Variants in KIF16B observed in about 807,000 individuals in gnomAD.
KIF16B encodes the protein kinesin family member 16B.
Under a neutral mutation model 156.3 loss-of-function variants are expected in KIF16B, and 98 were observed. The observed-to-expected ratio is 0.63, with a 90% CI of 0.53 to 0.74. KIF16B has a LOEUF of 0.74. Among genes scored for constraint, KIF16B ranks in the 30% least tolerant of loss-of-function variants. The probability of loss-of-function intolerance (pLI) is 0.00; values close to 1 mark genes in which losing one functional copy is unlikely to be tolerated. For synonymous variants in KIF16B, 564 were observed against 583.7 expected (o/e 0.97, Z 0.49); for missense variants, 1,421 against 1,606.5 (o/e 0.88, Z 1.97).
chr20:16,323,375 G>A (rs1232408400), intron 24 of KIF16B, among the ~76,000 whole-genome samples: 1 of 151,930 alleles, frequency 6.6e-6, no homozygotes, highest in Non-Finnish European at 1.5e-5. Flanking sequence ...TCTAGCTTTT[G>A]AGAAATGCAA....
At chr20:16,283,454 C>T (rs2063177146) in intron 25 of KIF16B, among the ~76,000 whole-genome samples, 1 of 152,158 alleles carries the variant, frequency 6.6e-6, no homozygotes. Context: ...GCCAACAAGT[C>T]CCCAGTGTGT....
rs2067342060 is a variant in KIF16B at position 16,461,422 on chromosome 20, T to C, written c.1303-31440A>G. ...GAAAAAAGCAAAATGTCAACTCTAC[T>C]TAAAATAAACAGGCCCATTTTGTCT... On this transcript the variant is annotated intron_variant, in intron 12 of 25. Transcript: ENST00000354981. Among the ~76,000 whole-genome samples the C allele has an allele frequency of 2.0e-5, 3 of 152,258 alleles. No individual in the cohort carries two copies. The South Asian group carries it at 6.2e-4, about 32-fold the overall frequency.
chr20:16,401,686 G>A (rs1388649653), intron 17 of KIF16B, among the ~76,000 whole-genome samples: 1 of 152,134 alleles, frequency 6.6e-6, no homozygotes, highest in Non-Finnish European at 1.5e-5. Context: ...GCCCAGGCCT[G>A]TCCTCCCTGT....
Position 16,537,977 on chromosome 20 carries a change from T to C in KIF16B, c.48-9537A>G, listed in dbSNP as rs566949083. ...CCTTGGCCTCCCAAAGTGTTAGGGT[T>C]ACAGGCATGAGCCACCATGCCCAGC... On this transcript the variant is annotated intron_variant, in intron 1 of 25. Transcript: ENST00000354981. Among the ~76,000 whole-genome samples, 4 of 152,148 alleles carry C rather than the reference T, an allele frequency of 2.6e-5. No homozygotes were observed. In the South Asian group the frequency reaches 8.3e-4, roughly 32 times the overall value.
chr20:16,305,709 C>T (rs1238324717), intron 25 of KIF16B, among the ~76,000 whole-genome samples: 1 of 152,174 alleles, frequency 6.6e-6, no homozygotes, highest in Non-Finnish European at 1.5e-5. Context: ...CTGGTAACCA[C>T]CATTCTACTC....
rs74175693 is a variant in KIF16B, at chr20:16,431,913, T to TACACACACACACACACACACACAC, written c.1303-1955_1303-1932dup. 1.0e-3 allele frequency among the ~76,000 whole-genome samples: 148 copies of TACACACACACACACACACACACAC among 143,820 alleles called. 1 individual carries two copies. Among genetic ancestry groups the TACACACACACACACACACACACAC allele is most frequent in the African/African-American group, 3.7e-3 (140 of 38,152 alleles). The allele number at this position is 143,820 out of a possible 152,430, so 94.4% of individuals were successfully genotyped here. A position where few individuals can be genotyped will look rare whatever the true frequency, so the allele number is the denominator to read the frequency against. ...TACTATCCATTTATATGTATACGTA[T>TACACACACACACACACACACACAC]ACACACACACACACACACACACACA... On this transcript the variant is annotated intron_variant, in intron 12 of 25. Transcript: ENST00000354981.
At chr20:16,480,264 CAG>C (rs2067942389) in intron 12 of KIF16B, among the ~76,000 whole-genome samples, 1 of 152,128 alleles carries the variant, frequency 6.6e-6, no homozygotes, top group Admixed American at 6.5e-5. Flanking sequence ...CCTTTCATAA[CAG>C]AGAAACACAG....
intron 25 of KIF16B, among the ~76,000 whole-genome samples, chr20:16,300,109 C>A (rs2063450404): frequency 6.6e-6 from 1 of 152,146 alleles, no homozygotes; most frequent in African/African-American, 2.4e-5. Flanking sequence ...GACATATTTC[C>A]TTCTTGGCTT....
At chr20:16,423,916 A>C (rs976182280) in intron 15 of KIF16B, among the ~76,000 whole-genome samples, 1 of 152,038 alleles carries the variant, frequency 6.6e-6, no homozygotes, top group Non-Finnish European at 1.5e-5. Context: ...AGAGCCTGTG[A>C]GTTCCCAAGC....
At chr20:16,500,138 T>C (rs774270814) in intron 10 of KIF16B, among the ~76,000 whole-genome samples, 1 of 152,200 alleles carries the variant, frequency 6.6e-6, no homozygotes, top group Non-Finnish European at 1.5e-5. Context: ...ATCATCTACA[T>C]GCAGCCAAAT....
At chr20:16,497,580 T>C in intron 11 of KIF16B, 33 bp downstream of exon 11, 1 of 1,520,480 alleles carries the variant, frequency 6.6e-7, no homozygotes, top group Non-Finnish European at 9.1e-7. Context: ...GTAAAAGTTA[T>C]GATTTAAAAA....
Position 16,379,728 on chromosome 20 carries a change from C to G in KIF16B, c.2274G>C (p.Gln758His). ...KKRLEEQEKEQVMLVAHLEEQ... is the reference protein window; with the variant it reads ...KKRLEEQEKEHVMLVAHLEEQ... ...CTTCCAGATGGGCCACGAGCATGAC[C>G]TGCTCCTTCTCCTGCTCCTCTAGTC... Residue 758 changes from glutamine to histidine, a missense_variant, in exon 19 of 26, where the codon CAG becomes CAC. Coordinates refer to ENST00000354981, the MANE Select transcript of KIF16B (RefSeq NM_024704.5). 6.2e-7 allele frequency: 1 copy of G among 1,614,208 alleles called. No individual in the cohort carries two copies. The highest frequency in any genetic ancestry group is 1.1e-5 in the South Asian group (1 of 91,088).
At chr20:16,539,835 AGCT>A (rs2070126525) in intron 1 of KIF16B, among the ~76,000 whole-genome samples, 1 of 152,240 alleles carries the variant, frequency 6.6e-6, no homozygotes, top group African/African-American at 2.4e-5. Flanking sequence ...CCATTCCCTC[AGCT>A]GATGACATCT....
At chr20:16,568,408 A>C (rs534099912) in intron 1 of KIF16B, among the ~76,000 whole-genome samples, 1 of 152,196 alleles carries the variant, frequency 6.6e-6, no homozygotes, top group Non-Finnish European at 1.5e-5. Context: ...AAACTGTAAA[A>C]ATAATAGTAA....
intron 12 of KIF16B, among the ~76,000 whole-genome samples, chr20:16,488,772 G>C (rs1037909643): frequency 6.6e-6 from 1 of 152,144 alleles, no homozygotes; most frequent in African/African-American, 2.4e-5. Context: ...CCAGTTCCAA[G>C]AGAATCACTG....
intron 12 of KIF16B, among the ~76,000 whole-genome samples, chr20:16,489,379 T>C (rs1174417912): frequency 6.6e-6 from 1 of 152,034 alleles, no homozygotes; most frequent in African/African-American, 2.4e-5. Context: ...GAAGAACAGA[T>C]ATGAGGACAA....
rs977225187 is a variant in KIF16B, at chr20:16,523,569, T to C, written c.231+2523A>G. Among the ~76,000 whole-genome samples, 4 of 152,320 alleles carry C rather than the reference T, an allele frequency of 2.6e-5. No homozygotes were observed. The South Asian group carries it at 6.2e-4, about 24-fold the overall frequency. On this transcript the variant is annotated intron_variant, in intron 3 of 25. Transcript: ENST00000354981. ...CAAATGGAAAAACATTCCATGCTCATGGATAGAAGAATCAATATCGTGAAA... is the reference window on the plus strand; with the variant it reads ...CAAATGGAAAAACATTCCATGCTCACGGATAGAAGAATCAATATCGTGAAA...
chr20:16,427,053 T>G (rs6111110), intron 15 of KIF16B, 51 bp downstream of exon 15: 1 of 1,483,482 alleles, frequency 6.7e-7, no homozygotes, highest in Non-Finnish European at 9.0e-7. Context: ...CTAGCCAACT[T>G]GTTTTCTCAA....
rs1171475559 is a variant in KIF16B at position 16,537,704 on chromosome 20, G to GTT, written c.48-9266_48-9265dup. The stretch of plus-strand genomic sequence containing the variant: ...TTCTTTTTCTTTTTTTCTTTTTTTC[G>GTT]TTTTTTTTTTTTTTTTTTGAGACAG... On this transcript the variant is annotated intron_variant, in intron 1 of 25. Transcript: ENST00000354981. Among the ~76,000 whole-genome samples the GTT allele has an allele frequency of 8.9e-3, 900 of 101,550 alleles. 60 individuals are homozygous for GTT. Among genetic ancestry groups the GTT allele is most frequent in the African/African-American group, 0.024 (640 of 26,302 alleles). 66.6% of individuals were successfully genotyped at this position (101,550 alleles called of 152,430 possible). A position where few individuals can be genotyped will look rare whatever the true frequency, so the allele number is the denominator to read the frequency against.
Sources: gnomAD v4.1 joint callset for allele counts (sites outside exome capture counted in the v4.1 genomes callset) on GRCh38, gnomAD v4.1.1 for gene constraint, MANE v1.5 for transcripts, NCBI Gene and HGNC (gene_info 2026-07-23, HGNC 2026-07-21) for gene names.